AGBL4: variants seen among roughly 807,000 people sequenced by gnomAD.
AGBL4 encodes the protein AGBL carboxypeptidase 4, also known as cytosolic carboxypeptidase 6.
AGBL4 carries 58 observed loss-of-function variants against 66.4 expected under a neutral mutation model. That is an observed-to-expected ratio of 0.87 (90% CI 0.71 to 1.09). AGBL4 has a LOEUF of 1.09. AGBL4 is among the 50% of genes least tolerant of loss of function. The probability of loss-of-function intolerance (pLI) is 0.00; values close to 1 mark genes in which losing one functional copy is unlikely to be tolerated. For synonymous variants in AGBL4, 234 were observed against 222.9 expected, an observed-to-expected ratio of 1.05 and a Z score of -0.44; for missense variants, 579 against 631.0, an observed-to-expected ratio of 0.92 and a Z score of 0.88.
At chr1:48,548,043 T>A (rs1456717879) in intron 11 of AGBL4, among the ~76,000 whole-genome samples, 1 of 152,184 alleles carries the variant, frequency 6.6e-6, no homozygotes, top group African/African-American at 2.4e-5. Flanking sequence ...ACTGACTATG[T>A]GCCAAGTTAT....
At chr1:48,773,017 C>T (rs912134958) in intron 6 of AGBL4, among the ~76,000 whole-genome samples, 4 of 152,226 alleles carry the variant, frequency 2.6e-5, no homozygotes, top group East Asian at 3.9e-4. Flanking sequence ...GAAAAGTCAA[C>T]GCCTGCCACC....
chr1:48,562,456 C>G (rs1644411115), intron 11 of AGBL4, among the ~76,000 whole-genome samples: 1 of 152,206 alleles, frequency 6.6e-6, no homozygotes, highest in Non-Finnish European at 1.5e-5. Flanking sequence ...AGCTCAAAAT[C>G]TGCTCCATTT....
chr1:49,336,948 A>G (rs1381179730), intron 3 of AGBL4, among the ~76,000 whole-genome samples: 3 of 152,206 alleles, frequency 2.0e-5, no homozygotes, highest in Non-Finnish European at 4.4e-5. Flanking sequence ...AATCATTTAC[A>G]ATTAAGTAGG....
intron 4 of AGBL4, among the ~76,000 whole-genome samples, chr1:49,234,215 C>T (rs1650540943): frequency 6.6e-6 from 1 of 152,068 alleles, no homozygotes; most frequent in Admixed American, 6.6e-5. Flanking sequence ...GGCACTGGGA[C>T]ACGAAAAATA....
intron 4 of AGBL4, among the ~76,000 whole-genome samples, chr1:49,050,108 A>G (rs1644178064): frequency 6.6e-6 from 1 of 152,080 alleles, no homozygotes; most frequent in Non-Finnish European, 1.5e-5. Flanking sequence ...CAGGTCCTGT[A>G]GTGTGTGCTT....
intron 4 of AGBL4, among the ~76,000 whole-genome samples, chr1:49,217,303 A>T (rs1436713816): frequency 6.6e-6 from 1 of 151,632 alleles, no homozygotes; most frequent in East Asian, 1.9e-4. Context: ...CTCCACCCCC[A>T]TTTACGTTTT....
At chr1:48,937,562 C>T (rs967127527) in intron 5 of AGBL4, among the ~76,000 whole-genome samples, 4 of 152,068 alleles carry the variant, frequency 2.6e-5, no homozygotes, top group Non-Finnish European at 4.4e-5. Flanking sequence ...CCCCAGAGCC[C>T]GGGATCTGTT....
chr1:48,937,714 T>A (rs1042891772), intron 5 of AGBL4, among the ~76,000 whole-genome samples: 1 of 152,222 alleles, frequency 6.6e-6, no homozygotes, highest in South Asian at 2.1e-4. Flanking sequence ...TGCCTAATTA[T>A]GAATTTCACA....
At chr1:49,551,411 C>T (rs140226224) in intron 3 of AGBL4, among the ~76,000 whole-genome samples, 6 of 152,294 alleles carry the variant, frequency 3.9e-5, no homozygotes, top group African/African-American at 1.4e-4. Flanking sequence ...CTGGTTCCTT[C>T]TCATTTGGGT....
At chr1:49,143,533 G>A (rs1412622369) in intron 4 of AGBL4, among the ~76,000 whole-genome samples, 1 of 152,174 alleles carries the variant, frequency 6.6e-6, no homozygotes, top group East Asian at 1.9e-4. Flanking sequence ...TGAGTTCCGT[G>A]AGGGCAGGGA....
chr1:49,001,036 G>A (rs529694566), intron 5 of AGBL4, among the ~76,000 whole-genome samples: 1 of 152,276 alleles, frequency 6.6e-6, no homozygotes, highest in East Asian at 1.9e-4. Context: ...TCTTTAATGA[G>A]TCAGTTGATT....
At chr1:48,850,478 A>C (rs1647009980) in intron 6 of AGBL4, among the ~76,000 whole-genome samples, 1 of 151,740 alleles carries the variant, frequency 6.6e-6, no homozygotes, top group African/African-American at 2.4e-5. Context: ...TCATCCCAAT[A>C]CTCATTTCTG....
At chr1:48,775,080 C>T (rs1288314866) in intron 6 of AGBL4, among the ~76,000 whole-genome samples, 3 of 152,188 alleles carry the variant, frequency 2.0e-5, no homozygotes, top group Non-Finnish European at 2.9e-5. Context: ...TAATTAAAGG[C>T]AAGTAAGCAA....
chr1:49,756,821 CT>C (rs1432573366), intron 2 of AGBL4, among the ~76,000 whole-genome samples: 1 of 151,546 alleles, frequency 6.6e-6, no homozygotes, highest in East Asian at 2.0e-4. Flanking sequence ...TTCCTGAGGC[CT>C]CCCCAGCCAT....
chr1:49,228,908 G>A (rs1324456583), intron 4 of AGBL4, among the ~76,000 whole-genome samples: 1 of 152,110 alleles, frequency 6.6e-6, no homozygotes, highest in Non-Finnish European at 1.5e-5. Context: ...ACAGCAATAT[G>A]TTCCTAACCT....
At chr1:48,617,525 A>G (rs750122336) in intron 9 of AGBL4, among the ~76,000 whole-genome samples, 8 of 152,030 alleles carry the variant, frequency 5.3e-5, no homozygotes, top group Non-Finnish European at 1.0e-4. Flanking sequence ...TCCTTCCCCA[A>G]AGGGACTCTC....
chr1:49,024,448 CCTTT>C (rs1197090976), intron 5 of AGBL4, among the ~76,000 whole-genome samples: 3 of 152,140 alleles, frequency 2.0e-5, no homozygotes, highest in African/African-American at 7.2e-5. Flanking sequence ...TTTTCATGTT[CCTTT>C]CTCATTCCTC....
intron 5 of AGBL4, among the ~76,000 whole-genome samples, chr1:48,904,669 C>T (rs1039921698): frequency 6.6e-6 from 1 of 152,120 alleles, no homozygotes; most frequent in African/African-American, 2.4e-5. Context: ...TAAAAACCTA[C>T]CTCTGGAGTG....
rs1271416521 is a variant in AGBL4, at chr1:48,934,499, T to G, written c.595-67269A>C. Among the ~76,000 whole-genome samples, 6 of 152,300 alleles carry G rather than the reference T, an allele frequency of 3.9e-5. No individual in the cohort carries two copies. In the East Asian group the frequency reaches 1.2e-3, roughly 29 times the overall value. ...TGGTGGATATCTAGGTCCTTTCTGT[T>G]CAGCTTCAGACCCAAATACACAACG... On this transcript the variant is annotated intron_variant, in intron 5 of 13. Transcript: ENST00000371839.
Sources: gnomAD v4.1 joint callset for allele counts (sites outside exome capture counted in the v4.1 genomes callset) on GRCh38, gnomAD v4.1.1 for gene constraint, MANE v1.5 for transcripts, NCBI Gene and HGNC (gene_info 2026-07-23, HGNC 2026-07-21) for gene names.